Variants in PCSK5 observed in about 807,000 individuals in gnomAD.
The protein encoded by PCSK5 is prohormone convertase 5.
PCSK5 carries 129 observed loss-of-function variants against 233.2 expected under a neutral mutation model. The observed-to-expected ratio is 0.55, with a 90% CI of 0.48 to 0.64. PCSK5 has a LOEUF of 0.64. Among genes scored for constraint, PCSK5 ranks in the 30% least tolerant of loss-of-function variants. The pLI, the probability that PCSK5 is intolerant of heterozygous loss-of-function variation, is 0.00. For missense variants in PCSK5, 2,076 were observed against 2,430.1 expected (o/e 0.85, Z 3.06); for synonymous variants, 825 against 879.2 (o/e 0.94, Z 1.09).
intron 3 of PCSK5, among the ~76,000 whole-genome samples, chr9:75,989,362 C>T (rs983215973): frequency 1.3e-5 from 2 of 152,078 alleles, no homozygotes; most frequent in Admixed American, 6.5e-5. Context: ...GACGAGGTGG[C>T]GTGCTCCTGT....
chr9:76,310,220 C>T (rs999310605), intron 29 of PCSK5, among the ~76,000 whole-genome samples: 4 of 151,116 alleles, frequency 2.6e-5, no homozygotes, highest in Admixed American at 1.3e-4. Flanking sequence ...TGCACTCCAG[C>T]CTGGGAGATA....
At chr9:76,014,814 A>T (rs1490374092) in intron 3 of PCSK5, among the ~76,000 whole-genome samples, 9 of 152,230 alleles carry the variant, frequency 5.9e-5, no homozygotes, top group Non-Finnish European at 1.3e-4. Flanking sequence ...GCTCTTTCTT[A>T]GACCTTTACA....
At chr9:76,110,423 C>G (rs1184263363) in intron 9 of PCSK5, among the ~76,000 whole-genome samples, 1 of 152,236 alleles carries the variant, frequency 6.6e-6, no homozygotes. Context: ...AGGTCCTGAG[C>G]TTTTCGCCAG....
chr9:76,114,035 G>A (rs1226136156), intron 9 of PCSK5, among the ~76,000 whole-genome samples: 1 of 152,042 alleles, frequency 6.6e-6, no homozygotes, highest in Non-Finnish European at 1.5e-5. Flanking sequence ...AAAGAAGCAG[G>A]TATTCCACAC....
intron 34 of PCSK5, among the ~76,000 whole-genome samples, chr9:76,337,806 C>T (rs1829719219): frequency 6.6e-6 from 1 of 151,212 alleles, no homozygotes; most frequent in Non-Finnish European, 1.5e-5. Context: ...CTCTGAATGG[C>T]CAGGCCAACA....
chr9:76,066,847 G>T (rs1474419183), intron 5 of PCSK5, among the ~76,000 whole-genome samples: 1 of 152,106 alleles, frequency 6.6e-6, no homozygotes, highest in Non-Finnish European at 1.5e-5. Context: ...AATGGATTTG[G>T]GGGCTTGAGT....
At chr9:76,138,652 C>A (rs950165056) in intron 10 of PCSK5, among the ~76,000 whole-genome samples, 2 of 151,984 alleles carry the variant, frequency 1.3e-5, no homozygotes, top group African/African-American at 4.8e-5. Flanking sequence ...TGAATGCATG[C>A]AACATCAGTG....
chr9:76,304,560 A>G (rs2453464), intron 28 of PCSK5, among the ~76,000 whole-genome samples: 77,280 of 150,024 alleles, frequency 0.52, 20,707 homozygotes, highest in East Asian at 0.84. Context: ...GACACGTATT[A>G]TCTCATTTAG....
At chr9:76,275,206 C>T (rs978782359) in intron 24 of PCSK5, among the ~76,000 whole-genome samples, 1 of 152,078 alleles carries the variant, frequency 6.6e-6, no homozygotes, top group Non-Finnish European at 1.5e-5. Flanking sequence ...CTACTCAATG[C>T]TAAGGATGAG....
intron 14 of PCSK5, among the ~76,000 whole-genome samples, chr9:76,178,598 C>G (rs183118481): frequency 1.3e-3 from 197 of 152,196 alleles, no homozygotes; most frequent in Admixed American, 1.6e-3. Flanking sequence ...AAACATAGTC[C>G]CATAATGACT....
At chr9:75,928,947 T>TTATTTATG (rs1425306465) in intron 1 of PCSK5, among the ~76,000 whole-genome samples, 1 of 151,914 alleles carries the variant, frequency 6.6e-6, no homozygotes, top group Non-Finnish European at 1.5e-5. Context: ...ATTTATTTAT[T>TTATTTATG]TATTTATGAG....
chr9:76,029,320 G>C (rs901020359), intron 5 of PCSK5, among the ~76,000 whole-genome samples: 2 of 152,138 alleles, frequency 1.3e-5, no homozygotes, highest in Non-Finnish European at 1.5e-5. Flanking sequence ...GAAAGCATTA[G>C]TTTGGGGACT....
chr9:76,113,565 A>T (rs111774935), intron 9 of PCSK5, among the ~76,000 whole-genome samples: 178 of 152,288 alleles, frequency 1.2e-3, no homozygotes, highest in African/African-American at 4.1e-3. Flanking sequence ...TGAGAAGTTA[A>T]TATGTGGGAC....
At chr9:76,098,428 A>G (rs1831623772) in intron 8 of PCSK5, among the ~76,000 whole-genome samples, 1 of 152,250 alleles carries the variant, frequency 6.6e-6, no homozygotes, top group Admixed American at 6.5e-5. Flanking sequence ...GAGAAATGTT[A>G]TAATCTAGAA....
At chr9:75,923,278 G>C (rs1010534241) in intron 1 of PCSK5, among the ~76,000 whole-genome samples, 3 of 152,172 alleles carry the variant, frequency 2.0e-5, no homozygotes, top group African/African-American at 7.2e-5. Flanking sequence ...TTGGAGGGTT[G>C]TTGGGAAGAT....
chr9:76,006,275 A>G (rs1009787942), intron 3 of PCSK5, among the ~76,000 whole-genome samples: 7 of 152,140 alleles, frequency 4.6e-5, no homozygotes, highest in African/African-American at 1.4e-4. Flanking sequence ...ACATTTATAA[A>G]TATGACCAAT....
At chr9:75,913,155 C>T (rs1452933821) in intron 1 of PCSK5, among the ~76,000 whole-genome samples, 1 of 72,800 alleles carries the variant, frequency 1.4e-5, no homozygotes, top group Non-Finnish European at 3.0e-5. Flanking sequence ...TGGGCACATT[C>T]TTCCTCAGCA....
intron 1 of PCSK5, among the ~76,000 whole-genome samples, chr9:75,901,047 G>T (rs1197142278): frequency 1.3e-5 from 2 of 152,138 alleles, no homozygotes; most frequent in African/African-American, 4.8e-5. Flanking sequence ...TCAGACTAAA[G>T]AGGAAGGAAG....
intron 24 of PCSK5, among the ~76,000 whole-genome samples, chr9:76,246,341 CAAAAAAAA>C (rs59806704): frequency 1.9e-5 from 1 of 52,652 alleles, no homozygotes; most frequent in African/African-American, 5.5e-5. Context: ...GATTCCATCT[CAAAAAAAA>C]AAAAAAAAAA....
Sources: allele counts gnomAD v4.1 joint callset (sites outside exome capture counted in the v4.1 genomes callset), GRCh38; gene constraint gnomAD v4.1.1; transcripts MANE v1.5; gene names NCBI Gene and HGNC (gene_info 2026-07-23, HGNC 2026-07-21).